Variants in GAN observed in about 807,000 individuals in gnomAD.
GAN encodes the protein epididymis secretory sperm binding protein.
A neutral mutation model predicts 71.3 loss-of-function variants in GAN; 48 were observed. The observed-to-expected ratio is 0.67, with a 90% CI of 0.53 to 0.86. The LOEUF is 0.86. GAN is among the 40% of genes least tolerant of loss of function. GAN has a pLI of 0.00. For synonymous variants in GAN, 386 were observed against 276.8 expected (o/e 1.39, Z -3.92); for missense variants, 928 against 770.1 (o/e 1.21, Z -2.43).
At chr16:81,326,700 G>T (rs1308998737) in intron 1 of GAN, among the ~76,000 whole-genome samples, 2 of 152,220 alleles carry the variant, frequency 1.3e-5, no homozygotes, top group African/African-American at 4.8e-5. Context: ...TAGACTATCT[G>T]ATGTAGTCTG....
chr16:81,315,345 G>A lies in GAN; in HGVS notation c.167+65G>A, dbSNP rs1908996532. The A allele has an allele frequency of 3.3e-6, 4 of 1,200,292 alleles. 1 individual carries two copies. The South Asian group carries it at 9.1e-5, about 27-fold the overall frequency. 74.4% of individuals were successfully genotyped at this position (1,200,292 alleles called of 1,614,324 possible). On this transcript the variant is annotated intron_variant, in intron 1 of 10. Coordinates refer to ENST00000648994, the MANE Select transcript of GAN (RefSeq NM_022041.4). ...CCCGGAGCCGGAGGCGGGGCGGCCG[G>A]GCCGGGCGTGGCCCCCAGACCCTGT...
At chr16:81,369,392 G>A (rs1315903761) in intron 9 of GAN, among the ~76,000 whole-genome samples, 3 of 152,162 alleles carry the variant, frequency 2.0e-5, no homozygotes, top group African/African-American at 7.2e-5. Flanking sequence ...GAGAGGTGAT[G>A]CCTATCACAT....
In GAN at chr16:81,351,646, G is replaced by A; in HGVS notation, c.231G>A (p.Gly77=). ...DGSTYKIELE[G]ISVMVMREIL... Reference sequence around the variant, plus strand: ...CAACTTATAAGATTGAACTTGAAGGGATATCGGTAATGGTTATGAGAGAGA... The same window carrying A: ...CAACTTATAAGATTGAACTTGAAGGAATATCGGTAATGGTTATGAGAGAGA... Residue 77 remains glycine, a synonymous_variant, in exon 2 of 11, where the codon GGG becomes GGA. Coordinates refer to ENST00000648994, the MANE Select transcript of GAN (RefSeq NM_022041.4). The A allele has an allele frequency of 6.4e-7, 1 of 1,569,568 alleles. No homozygotes were observed. Among genetic ancestry groups the A allele is most frequent in the Non-Finnish European group, 8.8e-7 (1 of 1,139,364 alleles).
At chr16:81,358,036 C>G (rs932101051) in intron 5 of GAN, 105 bp downstream of exon 5, 2 of 976,950 alleles carry the variant, frequency 2.0e-6, no homozygotes, top group African/African-American at 1.6e-5. Flanking sequence ...ATTTTATTAT[C>G]TCTACATGAC....
At chr16:81,368,002 G>A (rs781495406) in intron 9 of GAN, among the ~76,000 whole-genome samples, 1 of 152,180 alleles carries the variant, frequency 6.6e-6, no homozygotes, top group Non-Finnish European at 1.5e-5. Context: ...TGTAGTTGCC[G>A]GATGAGCAGT....
intron 1 of GAN, among the ~76,000 whole-genome samples, chr16:81,334,473 C>T (rs558179364): frequency 1.3e-5 from 2 of 152,230 alleles, no homozygotes; most frequent in East Asian, 1.9e-4. Flanking sequence ...AGGCAGGGCA[C>T]ATGTGGTATT....
rs1158965155 is a variant in GAN at position 81,380,686 on chromosome 16, T to C, written c.*3090T>C. On this transcript the variant is annotated 3_prime_UTR_variant, in exon 11 of 11. Transcript: ENST00000648994. ...TGCTTCAGATAAATTCTTGAGCCTG[T>C]TGACCTTCAGTTTATACTACTGTGT... is the stretch of plus-strand genomic sequence containing the variant. The C allele has an allele frequency of 6.6e-6, 1 of 152,238 alleles. No homozygotes were observed. The highest frequency in any genetic ancestry group is 2.4e-5 in the African/African-American group (1 of 41,464). 9.4% of individuals were successfully genotyped at this position (152,238 alleles called of 1,614,324 possible).
At chr16:81,317,702 T>C (rs1210688553) in intron 1 of GAN, among the ~76,000 whole-genome samples, 1 of 152,274 alleles carries the variant, frequency 6.6e-6, no homozygotes, top group African/African-American at 2.4e-5. Context: ...CTTCCTACTC[T>C]TGCCCTACCA....
intron 2 of GAN, among the ~76,000 whole-genome samples, chr16:81,352,108 G>T (rs958012884): frequency 6.6e-6 from 1 of 152,138 alleles, no homozygotes; most frequent in Non-Finnish European, 1.5e-5. Context: ...ACTTCCTGGG[G>T]CGTTGTGGAT....
chr16:81,364,505 G>A (rs553974538), intron 7 of GAN, among the ~76,000 whole-genome samples: 10 of 152,166 alleles, frequency 6.6e-5, no homozygotes, highest in Admixed American at 6.5e-5. Flanking sequence ...AGGCTGAAGC[G>A]ATCCCCCATC....
chr16:81,336,115 A>G (rs565596034), intron 1 of GAN, among the ~76,000 whole-genome samples: 18 of 152,300 alleles, frequency 1.2e-4, no homozygotes, highest in African/African-American at 4.3e-4. Context: ...TAGGAAGAGC[A>G]CCTTGGTGTT....
At position 81,363,902 on chromosome 16, in the gene GAN, A is replaced by G. The variant is rs368231984; in HGVS notation, c.1195A>G (p.Lys399Glu). The G allele has an allele frequency of 1.7e-5, 28 of 1,613,304 alleles. No homozygotes were observed. The highest frequency in any genetic ancestry group is 2.3e-5 in the Non-Finnish European group (27 of 1,179,348). The change falls in exon 7 of 11, where the codon AAA (lysine) becomes GAA (glutamate). Residue 399 changes from lysine (K) to glutamate (E), a missense_variant. Transcript: ENST00000648994. ...CATGGAGTGTTACGATATTTATTCTAAAACCTGGACAAAGCAACCTGATTT... is the reference window on the plus strand; with the variant it reads ...CATGGAGTGTTACGATATTTATTCTGAAACCTGGACAAAGCAACCTGATTT... ...ISMECYDIYS[K>E]TWTKQPDLTM...
intron 5 of GAN, among the ~76,000 whole-genome samples, chr16:81,360,013 TGTTGGATG>T: frequency 7.5e-6 from 1 of 132,586 alleles, no homozygotes; most frequent in Admixed American, 8.1e-5. Flanking sequence ...TTTTGATATA[TGTTGGATG>T]GATGGATGGA....
chr16:81,324,185 A>C (rs1178291730), intron 1 of GAN, among the ~76,000 whole-genome samples: 2 of 152,178 alleles, frequency 1.3e-5, no homozygotes, highest in Non-Finnish European at 2.9e-5. Context: ...GACTTTCTTT[A>C]AGTAGAGAAC....
intron 1 of GAN, among the ~76,000 whole-genome samples, chr16:81,333,608 G>T (rs1909659810): frequency 1.3e-5 from 2 of 152,178 alleles, no homozygotes; most frequent in African/African-American, 4.8e-5. Flanking sequence ...AATCCAAATA[G>T]AAATGATTCA....
intron 1 of GAN, among the ~76,000 whole-genome samples, chr16:81,327,146 C>A (rs756441730): frequency 6.6e-6 from 1 of 152,136 alleles, no homozygotes; most frequent in African/African-American, 2.4e-5. Context: ...AAGAAGAGAC[C>A]GAATTCTTTA....
chr16:81,329,654 C>G (rs138440920), intron 1 of GAN, among the ~76,000 whole-genome samples: 1 of 152,264 alleles, frequency 6.6e-6, no homozygotes, highest in African/African-American at 2.4e-5. Flanking sequence ...TTTATCAGAT[C>G]ATTTTGTTGA....
At chr16:81,353,165 CCTGTAGTCCCGGCTACTCGGGAGG>C (rs1910357721) in intron 2 of GAN, among the ~76,000 whole-genome samples, 1 of 151,958 alleles carries the variant, frequency 6.6e-6, no homozygotes, top group African/African-American at 2.4e-5. Context: ...GTGGCGGGCG[CCTGTAGTCCCGGCTACTCGGGAGG>C]CTGAGGCAGG....
Position 81,382,827 on chromosome 16 carries a change from C to A in GAN, c.*5231C>A, listed in dbSNP as rs1482497656. 1.3e-5 allele frequency: 2 copies of A among 152,054 alleles called. No homozygotes were observed. The highest frequency in any genetic ancestry group is 2.4e-5 in the African/African-American group (1 of 41,392). The allele number at this position is 152,054 out of a possible 1,614,324, so 9.4% of individuals were successfully genotyped here. On this transcript the variant is annotated 3_prime_UTR_variant, in exon 11 of 11. Coordinates refer to ENST00000648994, the MANE Select transcript of GAN (RefSeq NM_022041.4). ...AAAGTTTTGTGTTTTTCAGAAGGAA[C>A]CCTATTATTATTTCCATTTTAAACA...
Sources: gnomAD v4.1 joint callset for allele counts (sites outside exome capture counted in the v4.1 genomes callset) on GRCh38, gnomAD v4.1.1 for gene constraint, MANE v1.5 for transcripts, NCBI Gene and HGNC (gene_info 2026-07-23, HGNC 2026-07-21) for gene names.